The following PELI2 variants were observed in gnomAD, a reference collection of about 807,000 sequenced individuals.
PELI2 encodes the protein E3 ubiquitin-protein ligase pellino homolog 2.
A neutral mutation model predicts 42.3 loss-of-function variants in PELI2; 23 were observed. The observed-to-expected ratio is 0.54, with a 90% CI of 0.39 to 0.77. The LOEUF (loss-of-function observed/expected upper bound fraction) is 0.77, where lower values mean the gene tolerates loss of function less well. Among genes scored for constraint, PELI2 ranks in the 30% least tolerant of loss-of-function variants. The pLI is 0.00. For synonymous variants in PELI2, 245 were observed against 212.2 expected (o/e 1.15, Z -1.34); for missense variants, 463 against 553.2 (o/e 0.84, Z 1.64).
intron 1 of PELI2, among the ~76,000 whole-genome samples, chr14:56,176,658 G>T (rs763458555): frequency 6.6e-6 from 1 of 152,146 alleles, no homozygotes; most frequent in African/African-American, 2.4e-5. Flanking sequence ...CTTGGATACC[G>T]TAGCTTGGAA....
chr14:56,172,533 G>C (rs534651186), intron 1 of PELI2, among the ~76,000 whole-genome samples: 1 of 152,186 alleles, frequency 6.6e-6, no homozygotes, highest in Admixed American at 6.5e-5. Flanking sequence ...ATAGGAGAGC[G>C]GCTGGGAGAC....
At chr14:56,240,490 G>A (rs1000749583) in intron 2 of PELI2, among the ~76,000 whole-genome samples, 5 of 152,148 alleles carry the variant, frequency 3.3e-5, no homozygotes, top group Admixed American at 2.6e-4. Context: ...GTGCAGTTAC[G>A]GGGGTGAATT....
intron 2 of PELI2, among the ~76,000 whole-genome samples, chr14:56,200,204 C>T (rs182630430): frequency 3.7e-4 from 56 of 151,728 alleles, no homozygotes; most frequent in African/African-American, 1.2e-3. Flanking sequence ...TACTACACCA[C>T]CTTGCCCTAA....
intron 2 of PELI2, among the ~76,000 whole-genome samples, chr14:56,199,634 TTC>T (rs1886260643): frequency 6.6e-6 from 1 of 152,206 alleles, no homozygotes; most frequent in East Asian, 1.9e-4. Context: ...CCCCTGATAA[TTC>T]AGTTTAATGG....
intron 1 of PELI2, among the ~76,000 whole-genome samples, chr14:56,146,479 G>C (rs760988989): frequency 6.6e-5 from 10 of 152,290 alleles, no homozygotes; most frequent in Middle Eastern, 3.4e-3. Context: ...GCTCATTACT[G>C]TACTGGAAGT....
intron 1 of PELI2, among the ~76,000 whole-genome samples, chr14:56,165,642 A>C (rs1219987457): frequency 2.6e-5 from 4 of 152,054 alleles, no homozygotes; most frequent in Non-Finnish European, 4.4e-5. Context: ...TTCTTTGTTG[A>C]TCTTCTGTTT....
Position 56,178,363 on chromosome 14 carries a change from A to G in PELI2, c.106A>G (p.Arg36Gly), listed in dbSNP as rs1885458026. Residue 36 changes from arginine to glycine, a missense_variant, in exon 2 of 6, where the codon AGA becomes GGA. Physicochemically the swap from Arg to Gly is moderately radical, Grantham distance 125. Transcript: ENST00000267460. ...GYNGALPNGDRGRRKSRFALY... is the reference protein window; with the variant it reads ...GYNGALPNGDGGRRKSRFALY... ...CAATGGTGCTTTACCCAATGGAGAT[A>G]GAGGACGGAGGAAAAGTAGATTTGC... 3 of 1,614,088 alleles carry G rather than the reference A, an allele frequency of 1.9e-6. No homozygotes were observed. Among genetic ancestry groups the G allele is most frequent in the East Asian group, 2.2e-5 (1 of 44,882 alleles).
At chr14:56,246,416 A>G (rs1888159755) in intron 2 of PELI2, among the ~76,000 whole-genome samples, 1 of 152,168 alleles carries the variant, frequency 6.6e-6, no homozygotes, top group South Asian at 2.1e-4. Context: ...TAAGCTGCTA[A>G]TCTTCCCCTA....
intron 2 of PELI2, among the ~76,000 whole-genome samples, chr14:56,223,934 A>G (rs1887246986): frequency 6.6e-6 from 1 of 152,208 alleles, no homozygotes; most frequent in African/African-American, 2.4e-5. Flanking sequence ...ATTTTGGCAA[A>G]TAGAAATATA....
chr14:56,118,808 G>T, intron 1 of PELI2, 71 bp downstream of exon 1: 1 of 1,100,838 alleles, frequency 9.1e-7, no homozygotes, highest in Non-Finnish European at 1.3e-6. Context: ...AGCGGGGCTG[G>T]CGGGGTGGCT....
intron 2 of PELI2, among the ~76,000 whole-genome samples, chr14:56,218,708 T>C (rs202058738): frequency 0.073 from 11,156 of 151,836 alleles, 563 homozygotes; most frequent in East Asian, 0.24. Flanking sequence ...TGTGCGTGTG[T>C]GTGTGTGTGT....
At chr14:56,254,907 A>G (rs1450826067) in intron 2 of PELI2, among the ~76,000 whole-genome samples, 2 of 152,270 alleles carry the variant, frequency 1.3e-5, no homozygotes, top group African/African-American at 4.8e-5. Flanking sequence ...ACTGGTCATC[A>G]GAGAAATGCA....
chr14:56,187,840 A>C (rs1481925896), intron 2 of PELI2, among the ~76,000 whole-genome samples: 1 of 152,192 alleles, frequency 6.6e-6, no homozygotes, highest in African/African-American at 2.4e-5. Context: ...GCTCTCAGAT[A>C]GGCAGCTCCC....
At chr14:56,119,819 C>T (rs1442263252) in intron 1 of PELI2, 2 of 985,006 alleles carry the variant, frequency 2.0e-6, no homozygotes, top group East Asian at 1.1e-4. Flanking sequence ...TTTTGTCCTT[C>T]TGCGTTGAAA....
At chr14:56,231,039 TCAC>T (rs1887545352) in intron 2 of PELI2, among the ~76,000 whole-genome samples, 1 of 152,096 alleles carries the variant, frequency 6.6e-6, no homozygotes, top group Non-Finnish European at 1.5e-5. Context: ...AGGGATCAAT[TCAC>T]CAAGAAGAGC....
intron 2 of PELI2, among the ~76,000 whole-genome samples, chr14:56,222,152 T>TC (rs1456273942): frequency 1.3e-5 from 2 of 152,178 alleles, no homozygotes; most frequent in Non-Finnish European, 2.9e-5. Context: ...TTTACCAACT[T>TC]CCTGCTGTAT....
chr14:56,187,111 T>C (rs1885795072), intron 2 of PELI2, among the ~76,000 whole-genome samples: 1 of 152,198 alleles, frequency 6.6e-6, no homozygotes, highest in South Asian at 2.1e-4. Flanking sequence ...CTAAGCCAGG[T>C]GCGCTACCCA....
chr14:56,124,043 C>T lies in PELI2; in HGVS notation c.77+5306C>T, dbSNP rs1351157385. ...TCTTTTGATTTAATTAAACGTTTCT[C>T]CTGGGGTGTGCAGAAATCTATTTTA... On this transcript the variant is annotated intron_variant, in intron 1 of 5. Coordinates refer to ENST00000267460, the MANE Select transcript of PELI2 (RefSeq NM_021255.3). Among the ~76,000 whole-genome samples, 6 of 152,082 alleles carry T rather than the reference C, an allele frequency of 3.9e-5. No homozygotes were observed. The East Asian group carries it at 1.2e-3, about 29-fold the overall frequency.
At chr14:56,252,833 G>A (rs1185113788) in intron 2 of PELI2, among the ~76,000 whole-genome samples, 1 of 152,172 alleles carries the variant, frequency 6.6e-6, no homozygotes, top group Non-Finnish European at 1.5e-5. Flanking sequence ...TAGAAAAAGA[G>A]GGACTCCTCC....
Sources: allele counts gnomAD v4.1 joint callset (sites outside exome capture counted in the v4.1 genomes callset), GRCh38; gene constraint gnomAD v4.1.1; transcripts MANE v1.5; gene names NCBI Gene and HGNC (gene_info 2026-07-23, HGNC 2026-07-21).